Variants in ANKRD33B observed in about 807,000 individuals in gnomAD.
The protein encoded by ANKRD33B is ankyrin repeat domain-containing protein 33B.
In ANKRD33B, 6 loss-of-function variants were observed where a neutral mutation model predicts 21.5. The ratio of observed to expected loss-of-function variants is 0.28; its 90% CI spans 0.15 to 0.55. ANKRD33B has a LOEUF of 0.55. ANKRD33B is among the 20% of genes least tolerant of loss of function. ANKRD33B has a pLI of 0.94. For missense variants in ANKRD33B, 698 were observed against 747.2 expected (o/e 0.93, Z 0.77); for synonymous variants, 347 against 342.4 (o/e 1.01, Z -0.15).
At chr5:10,620,765 G>A (rs1736403272) in intron 2 of ANKRD33B, among the ~76,000 whole-genome samples, 1 of 152,200 alleles carries the variant, frequency 6.6e-6, no homozygotes, top group South Asian at 2.1e-4. Context: ...GACACATACT[G>A]CCAGTGTGTC....
chr5:10,645,209 A>G (rs1318619687), intron 3 of ANKRD33B, among the ~76,000 whole-genome samples: 3 of 152,086 alleles, frequency 2.0e-5, no homozygotes, highest in Non-Finnish European at 4.4e-5. Context: ...AGGTGGCACA[A>G]GGGGAGGCAG....
At chr5:10,597,874 G>A (rs2128760) in intron 1 of ANKRD33B, among the ~76,000 whole-genome samples, 135,866 of 152,304 alleles carry the variant, frequency 0.89, 60,619 homozygotes, top group Middle Eastern at 0.96. Context: ...GCTTTCTAAT[G>A]TGAACCTCTA....
intron 1 of ANKRD33B, among the ~76,000 whole-genome samples, chr5:10,574,358 A>G (rs1338883491): frequency 2.6e-5 from 4 of 152,250 alleles, no homozygotes; most frequent in Admixed American, 2.6e-4. Context: ...AGAAAATTCA[A>G]AAAAATGGTG....
At chr5:10,582,380 G>A (rs187523886) in intron 1 of ANKRD33B, among the ~76,000 whole-genome samples, 1 of 152,252 alleles carries the variant, frequency 6.6e-6, no homozygotes, top group East Asian at 1.9e-4. Flanking sequence ...CCTGTATCCA[G>A]TCATTTCCCA....
At position 10,654,466 on chromosome 5, in the gene ANKRD33B, T is replaced by C. The variant is rs1221902690; in HGVS notation, c.*4353T>C. 2 of 152,528 alleles carry C rather than the reference T, an allele frequency of 1.3e-5. No homozygotes were observed. The highest frequency in any genetic ancestry group is 4.8e-5 in the African/African-American group (2 of 41,598). The allele number at this position is 152,528 out of a possible 1,614,324, so 9.4% of individuals were successfully genotyped here. A position where few individuals can be genotyped will look rare whatever the true frequency, so the allele number is the denominator to read the frequency against. ...GTCTATTTTACTACTTTTTAGTGTT[T>C]GAGTAAATTATGCTTTAACTGGACA... On this transcript the variant is annotated 3_prime_UTR_variant, in exon 4 of 4. Transcript: ENST00000296657.
intron 2 of ANKRD33B, among the ~76,000 whole-genome samples, chr5:10,622,794 C>CTTTTTTTTTTGTTTT (rs1436392852): frequency 1.3e-5 from 1 of 78,590 alleles, no homozygotes; most frequent in Non-Finnish European, 2.4e-5. Flanking sequence ...TTTGTTTTTG[C>CTTTTTTTTTTGTTTT]TTTATTTTAT....
At chr5:10,626,834 C>CG (rs1308706017) in intron 2 of ANKRD33B, among the ~76,000 whole-genome samples, 1 of 152,218 alleles carries the variant, frequency 6.6e-6, no homozygotes. Context: ...GCGTCACAAG[C>CG]CCGTGCCAAA....
At chr5:10,569,962 C>T (rs1171286627) in intron 1 of ANKRD33B, among the ~76,000 whole-genome samples, 4 of 152,156 alleles carry the variant, frequency 2.6e-5, no homozygotes, top group Admixed American at 1.3e-4. Flanking sequence ...CTGCAACCTC[C>T]GTCTCCCAGG....
intron 2 of ANKRD33B, among the ~76,000 whole-genome samples, chr5:10,636,860 G>T (rs754227223): frequency 9.2e-5 from 14 of 152,228 alleles, no homozygotes; most frequent in Non-Finnish European, 2.1e-4. Context: ...CTCACCTGGG[G>T]TGTTCTTGCC....
chr5:10,613,989 T>TTGTG (rs1317144578), intron 1 of ANKRD33B, among the ~76,000 whole-genome samples: 9 of 38,702 alleles, frequency 2.3e-4, no homozygotes, highest in African/African-American at 6.1e-4. Context: ...TCCAGAGAAA[T>TTGTG]CGTGTGTGTG....
chr5:10,617,142 C>T (rs563431958), intron 1 of ANKRD33B, among the ~76,000 whole-genome samples: 277 of 152,332 alleles, frequency 1.8e-3, no homozygotes, highest in Middle Eastern at 3.4e-3. Flanking sequence ...CCACTTCCTG[C>T]GCCATTCCAC....
At chr5:10,591,209 T>TTTTTTTTTTTTTG (rs1735680864) in intron 1 of ANKRD33B, among the ~76,000 whole-genome samples, 3 of 148,206 alleles carry the variant, frequency 2.0e-5, no homozygotes, top group African/African-American at 2.5e-5. Context: ...TTTTTTTTTT[T>TTTTTTTTTTTTTG]TGAGATGGAG....
At chr5:10,589,982 G>T (rs1413342998) in intron 1 of ANKRD33B, among the ~76,000 whole-genome samples, 1 of 148,258 alleles carries the variant, frequency 6.7e-6, no homozygotes. Flanking sequence ...GGGCATTTTT[G>T]ATTAAACTTA....
Position 10,564,596 on chromosome 5 carries a change from C to G in ANKRD33B, c.129C>G (p.Phe43Leu). The change falls in exon 1 of 4, where the codon TTC (phenylalanine) becomes TTG (leucine). Residue 43 changes from phenylalanine to leucine, a missense_variant. Around this residue, in one of 3 missense-constraint regions of ANKRD33B, gnomAD observed 148 missense variants for 154.9 expected, o/e 0.96. Transcript: ENST00000296657. ...CTGACTACGAAGAGTTTGAGGACTT[C>G]TCGAGTCTGCCAGACACCCGCAGCA... is the stretch of plus-strand genomic sequence containing the variant. ...DPADYEEFED[F>L]SSLPDTRSIA... 6.5e-7 allele frequency: 1 copy of G among 1,534,840 alleles called. No individual in the cohort carries two copies.
intron 1 of ANKRD33B, among the ~76,000 whole-genome samples, chr5:10,600,809 A>G (rs1417560033): frequency 2.6e-5 from 4 of 152,152 alleles, no homozygotes; most frequent in African/African-American, 7.2e-5. Context: ...ACCCTTGCCA[A>G]CATTTGGTAT....
chr5:10,603,917 G>A (rs1225675242), intron 1 of ANKRD33B, among the ~76,000 whole-genome samples: 1 of 138,142 alleles, frequency 7.2e-6, no homozygotes, highest in African/African-American at 2.7e-5. Flanking sequence ...TTTTTGAGAT[G>A]GAGTTTCACT....
chr5:10,649,220 TC>T (rs2126610583), intron 3 of ANKRD33B, 45 bp from the exon 4 acceptor site: 1 of 1,481,144 alleles, frequency 6.8e-7, no homozygotes, highest in East Asian at 2.5e-5. Flanking sequence ...GAGGGAAGAG[TC>T]CTTGTTGCCG....
In ANKRD33B at chr5:10,619,644, C is replaced by A. The variant is rs1436585323; in HGVS notation, c.496+1182C>A. Among the ~76,000 whole-genome samples the A allele has an allele frequency of 6.6e-6, 1 of 152,208 alleles. No homozygotes were observed. Among genetic ancestry groups the A allele is most frequent in the African/African-American group, 2.4e-5 (1 of 41,444 alleles). On this transcript the variant is annotated intron_variant, in intron 2 of 3. Transcript: ENST00000296657. The surrounding 1 kb of genome is among the most constrained non-coding windows in gnomAD (Gnocchi z 4.5). ...CAGGGGCTGTGCTAACATGTGTTCACCTCCTCAGGTTTCGAAGCGTGAGGC... is the reference window on the plus strand; with the variant it reads ...CAGGGGCTGTGCTAACATGTGTTCAACTCCTCAGGTTTCGAAGCGTGAGGC...
chr5:10,580,288 G>A (rs1292437602), intron 1 of ANKRD33B, among the ~76,000 whole-genome samples: 2 of 152,322 alleles, frequency 1.3e-5, no homozygotes, highest in East Asian at 1.9e-4. Flanking sequence ...TGTGTTGAGC[G>A]TTGGGCCACA....
Sources: allele counts gnomAD v4.1 joint callset (sites outside exome capture counted in the v4.1 genomes callset), GRCh38; gene constraint gnomAD v4.1.1; regional missense constraint gnomAD v4.1.1; non-coding constraint Gnocchi (gnomAD v3.1); transcripts MANE v1.5; gene names NCBI Gene and HGNC (gene_info 2026-07-23, HGNC 2026-07-21).